PARD3B: variants seen among roughly 807,000 people sequenced by gnomAD.
PARD3B encodes partitioning defective 3 homolog B.
PARD3B carries 103 observed loss-of-function variants against 130.2 expected under a neutral mutation model. That is an observed-to-expected ratio of 0.79 (90% CI 0.67 to 0.93). The LOEUF is 0.93. PARD3B is among the 40% of genes least tolerant of loss of function. The pLI is 0.00. For missense variants in PARD3B, 1,609 were observed against 1,499.2 expected, an observed-to-expected ratio of 1.07 and a Z score of -1.21; for synonymous variants, 583 against 553.2, an observed-to-expected ratio of 1.05 and a Z score of -0.76.
At chr2:204,829,998 CAAAAAAAAAAAAA>C (rs745415671) in intron 2 of PARD3B, among the ~76,000 whole-genome samples, 3 of 47,698 alleles carry the variant, frequency 6.3e-5, no homozygotes, top group African/African-American at 7.2e-5. Flanking sequence ...GACTCCGTCT[CAAAAAAAAAAAAA>C]AAAAAAAAAA....
At chr2:205,233,170 A>G (rs1405396553) in intron 15 of PARD3B, among the ~76,000 whole-genome samples, 3 of 152,208 alleles carry the variant, frequency 2.0e-5, no homozygotes, top group Non-Finnish European at 2.9e-5. Flanking sequence ...AAAGAGGAAC[A>G]GCAGCAGATT....
chr2:205,606,604 C>T (rs1051323839), intron 22 of PARD3B, among the ~76,000 whole-genome samples: 1 of 152,128 alleles, frequency 6.6e-6, no homozygotes, highest in African/African-American at 2.4e-5. Flanking sequence ...TATGCTGCCC[C>T]TGGTATTTAA....
rs12472665 is a variant in PARD3B at position 204,935,268 on chromosome 2, G to A, written c.223-29884G>A. Reference sequence around the variant, plus strand: ...AAATAGGCTGTGCGCAGTGGCTCACGCCTGTAATCCCAGCACTTTGGGAGG... The same window carrying A: ...AAATAGGCTGTGCGCAGTGGCTCACACCTGTAATCCCAGCACTTTGGGAGG... On this transcript the variant is annotated intron_variant, in intron 2 of 22. Transcript: ENST00000406610. 3.4e-3 allele frequency among the ~76,000 whole-genome samples: 508 copies of A among 150,756 alleles called. 2 individuals are homozygous for A. Among genetic ancestry groups the A allele is most frequent in the South Asian group, 0.01 (49 of 4,782 alleles).
rs776583001 is a variant in PARD3B at position 205,607,831 on chromosome 2, T to TACACACAC, written c.3261-7583_3261-7576dup. ...TGGAGGCCCTCTCCCCCAACACCCA[T>TACACACAC]ACACACACACACACACACACACACA... On this transcript the variant is annotated intron_variant, in intron 22 of 22. Coordinates refer to ENST00000406610, the MANE Select transcript of PARD3B (RefSeq NM_001302769.2). Among the ~76,000 whole-genome samples, 992 of 116,170 alleles carry TACACACAC rather than the reference T, an allele frequency of 8.5e-3. 16 individuals carry two copies. Among genetic ancestry groups the TACACACAC allele is most frequent in the East Asian group, 0.025 (105 of 4,146 alleles). The allele number at this position is 116,170 out of a possible 152,430, so 76.2% of individuals were successfully genotyped here.
rs1381520052 is a variant in PARD3B at position 204,673,286 on chromosome 2, A to C, written c.121-12895A>C. On this transcript the variant is annotated intron_variant, in intron 1 of 22. Transcript: ENST00000406610. The surrounding 1 kb of genome is among the most constrained non-coding windows in gnomAD (Gnocchi z 4.7). ...CTTTCTAGAAGTATTTTCTTTTAAA[A>C]GAAAAGGTACCTTTAAACATATTTA... Among the ~76,000 whole-genome samples, 1 of 152,216 alleles carries C rather than the reference A, an allele frequency of 6.6e-6. No homozygotes were observed. The highest frequency in any genetic ancestry group is 6.5e-5 in the Admixed American group (1 of 15,276).
chr2:205,495,469 G>A (rs80141760), intron 20 of PARD3B, among the ~76,000 whole-genome samples: 2,012 of 152,294 alleles, frequency 0.013, 16 homozygotes, highest in Non-Finnish European at 0.019. Context: ...AACTAACAAT[G>A]TGGAGATGAG....
intron 21 of PARD3B, among the ~76,000 whole-genome samples, chr2:205,520,554 T>C (rs188344685): frequency 2.6e-5 from 4 of 152,306 alleles, no homozygotes; most frequent in Admixed American, 2.0e-4. Context: ...AACAAGTTTT[T>C]ATCATAAATT....
In PARD3B at chr2:205,440,331, ACT is replaced by A; in HGVS notation, c.2742-37_2742-36del. 1 of 1,565,680 alleles carries A rather than the reference ACT, an allele frequency of 6.4e-7. No individual in the cohort carries two copies. Among genetic ancestry groups the A allele is most frequent in the Non-Finnish European group, 8.8e-7 (1 of 1,139,940 alleles). ...GTATTTCATTGTATTATTATATGAA[ACT>A]CACATACATCTTTGCTACCTGTACT... On this transcript the variant is annotated intron_variant, in intron 19 of 22. Transcript: ENST00000406610. This position sits in a 1 kb window ranked among gnomAD's most constrained non-coding sequence, Gnocchi z 4.2.
rs141774870 is a variant in PARD3B at position 205,360,459 on chromosome 2, T to C, written c.2631-40554T>C. Among the ~76,000 whole-genome samples, 1,523 of 152,312 alleles carry C rather than the reference T, an allele frequency of 1.0e-2. 21 individuals are homozygous for C. The highest frequency in any genetic ancestry group is 0.013 in the Non-Finnish European group (898 of 68,030). On this transcript the variant is annotated intron_variant, in intron 18 of 22. Transcript: ENST00000406610. ...ATGTCACAAAAAATACTTTCCTACA[T>C]TTCCTTCTACTGAGCTGATAGACTT...
At chr2:205,217,894 A>ATATATT (rs1559553191) in intron 15 of PARD3B, among the ~76,000 whole-genome samples, 2 of 31,074 alleles carry the variant, frequency 6.4e-5, no homozygotes, top group African/African-American at 1.3e-4. Context: ...ATATATATAT[A>ATATATT]TTTTTTTTTT....
At chr2:205,580,230 C>T (rs1273818479) in intron 22 of PARD3B, among the ~76,000 whole-genome samples, 6 of 152,116 alleles carry the variant, frequency 3.9e-5, no homozygotes, top group Admixed American at 3.9e-4. Context: ...TTTTATAACA[C>T]ATTCAGGTTT....
chr2:205,189,916 T>A (rs2036301423), intron 14 of PARD3B, among the ~76,000 whole-genome samples: 1 of 152,162 alleles, frequency 6.6e-6, no homozygotes, highest in Admixed American at 6.5e-5. Context: ...TTGGTCACAA[T>A]CAAAATGATG....
chr2:205,391,117 C>T (rs924290972), intron 18 of PARD3B, among the ~76,000 whole-genome samples: 5 of 152,198 alleles, frequency 3.3e-5, no homozygotes, highest in Admixed American at 6.5e-5. Flanking sequence ...GCAAGTCAAA[C>T]GGGCAACCTC....
In PARD3B at chr2:204,890,522, T is replaced by C. The variant is rs141469039; in HGVS notation, c.223-74630T>C. 6.6e-6 allele frequency among the ~76,000 whole-genome samples: 1 copy of C among 152,322 alleles called. No homozygotes were observed. Among genetic ancestry groups the C allele is most frequent in the East Asian group, 1.9e-4 (1 of 5,182 alleles). On this transcript the variant is annotated intron_variant, in intron 2 of 22. Coordinates refer to ENST00000406610, the MANE Select transcript of PARD3B (RefSeq NM_001302769.2). The surrounding 1 kb of genome is among the most constrained non-coding windows in gnomAD (Gnocchi z 4.9). Reference sequence around the variant, plus strand: ...ATTGGGTAATTATTTAAAGGAACAGTATGTTAATGGATTTTCCTTGTTTTG... The same window carrying C: ...ATTGGGTAATTATTTAAAGGAACAGCATGTTAATGGATTTTCCTTGTTTTG...
At chr2:205,024,162 CTT>C (rs1172893472) in intron 3 of PARD3B, among the ~76,000 whole-genome samples, 7 of 98,740 alleles carry the variant, frequency 7.1e-5, no homozygotes, top group Non-Finnish European at 1.4e-4. Context: ...TTCTTTCTTT[CTT>C]TTTTTTTTTT....
At chr2:204,789,376 A>C (rs2042122116) in intron 2 of PARD3B, among the ~76,000 whole-genome samples, 1 of 152,214 alleles carries the variant, frequency 6.6e-6, no homozygotes, top group African/African-American at 2.4e-5. Context: ...GAGTAGGTGA[A>C]ATGATTTTTA....
At chr2:205,110,878 A>T (rs1301033188) in intron 5 of PARD3B, among the ~76,000 whole-genome samples, 1 of 152,034 alleles carries the variant, frequency 6.6e-6, no homozygotes, top group African/African-American at 2.4e-5. Flanking sequence ...TCTTTGTAAA[A>T]TCTCACTTTA....
intron 18 of PARD3B, among the ~76,000 whole-genome samples, chr2:205,379,849 C>G (rs1472576567): frequency 6.6e-6 from 1 of 151,722 alleles, no homozygotes; most frequent in African/African-American, 2.4e-5. Context: ...GCGGGTGGAT[C>G]ACAAGTTCAG....
chr2:205,272,453 C>T (rs1216955170), intron 16 of PARD3B, among the ~76,000 whole-genome samples: 2 of 151,992 alleles, frequency 1.3e-5, no homozygotes, highest in African/African-American at 4.8e-5. Context: ...TATATAAGGA[C>T]CATTGAATAC....
Sources: allele counts gnomAD v4.1 joint callset (sites outside exome capture counted in the v4.1 genomes callset), GRCh38; gene constraint gnomAD v4.1.1; non-coding constraint Gnocchi (gnomAD v3.1); transcripts MANE v1.5; gene names NCBI Gene and HGNC (gene_info 2026-07-23, HGNC 2026-07-21).